PPP1R12A: variants seen among roughly 807,000 people sequenced by gnomAD.
PPP1R12A encodes myosin binding subunit.
Under a neutral mutation model 139.6 loss-of-function variants are expected in PPP1R12A, and 19 were observed. That is an observed-to-expected ratio of 0.14 (90% CI 0.09 to 0.20). The LOEUF is 0.20. PPP1R12A is among the 10% of genes least tolerant of loss of function. The probability of loss-of-function intolerance (pLI) is 1.00; values close to 1 mark genes in which losing one functional copy is unlikely to be tolerated. For synonymous variants in PPP1R12A, 427 were observed against 420.6 expected (o/e 1.02, Z -0.19); for missense variants, 925 against 1,211.5 (o/e 0.76, Z 3.51).
chr12:79,877,084 C>G (rs1883179704), intron 1 of PPP1R12A, among the ~76,000 whole-genome samples: 1 of 152,102 alleles, frequency 6.6e-6, no homozygotes, highest in African/African-American at 2.4e-5. Context: ...GGCTCTGCCA[C>G]AAATTTTGTG....
intron 2 of PPP1R12A, among the ~76,000 whole-genome samples, chr12:79,858,816 G>A (rs1475292702): frequency 1.3e-5 from 2 of 152,118 alleles, no homozygotes; most frequent in Admixed American, 6.5e-5. Flanking sequence ...GAAAAGAGTG[G>A]AGGATGGAGT....
At position 79,838,344 on chromosome 12, in the gene PPP1R12A, G is replaced by A. The variant is rs1878327876; in HGVS notation, c.488-5853C>T. ...GTTCAAAAGGAAGCAGAGCATAAAA[G>A]TATGAAAAATTTGCAGCCTGATAAT... On this transcript the variant is annotated intron_variant, in intron 3 of 24. Transcript: ENST00000450142. Among the ~76,000 whole-genome samples, 3 of 152,202 alleles carry A rather than the reference G, an allele frequency of 2.0e-5. No individual in the cohort carries two copies. In the East Asian group the frequency reaches 5.8e-4, roughly 29 times the overall value.
chr12:79,783,626 A>G (rs919455869), intron 22 of PPP1R12A, among the ~76,000 whole-genome samples: 1 of 152,204 alleles, frequency 6.6e-6, no homozygotes, highest in East Asian at 1.9e-4. Flanking sequence ...TCTTTACAAG[A>G]CCAAAAAAAT....
At chr12:79,792,039 C>T (rs550761282) in intron 19 of PPP1R12A, among the ~76,000 whole-genome samples, 1 of 152,156 alleles carries the variant, frequency 6.6e-6, no homozygotes, top group South Asian at 2.1e-4. Context: ...AAATATCTTT[C>T]TGACTATGGT....
At chr12:79,796,153 C>A (rs1872488774) in intron 17 of PPP1R12A, among the ~76,000 whole-genome samples, 1 of 152,004 alleles carries the variant, frequency 6.6e-6, no homozygotes, top group African/African-American at 2.4e-5. Context: ...TACATTACTA[C>A]TGATATTATC....
intron 9 of PPP1R12A, among the ~76,000 whole-genome samples, chr12:79,816,679 G>A (rs1259989778): frequency 1.3e-5 from 2 of 152,114 alleles, no homozygotes; most frequent in African/African-American, 2.4e-5. Context: ...ACAGAAAGAA[G>A]AGAAAGAAAT....
intron 2 of PPP1R12A, among the ~76,000 whole-genome samples, chr12:79,856,625 G>A (rs369483829): frequency 6.6e-6 from 1 of 152,174 alleles, no homozygotes; most frequent in East Asian, 1.9e-4. Flanking sequence ...AAAGCAATTT[G>A]AGTACACAAT....
chr12:79,870,234 T>G (rs1278582376), intron 2 of PPP1R12A, among the ~76,000 whole-genome samples: 1 of 152,082 alleles, frequency 6.6e-6, no homozygotes, highest in Non-Finnish European at 1.5e-5. Flanking sequence ...GAAATTCTCC[T>G]GCCTTAGCCT....
chr12:79,807,962 A>G (rs1874056724), intron 11 of PPP1R12A, among the ~76,000 whole-genome samples: 1 of 151,800 alleles, frequency 6.6e-6, no homozygotes, highest in African/African-American at 2.4e-5. Context: ...CTTGAACCTG[A>G]GAGGTGGAGG....
At chr12:79,795,989 A>G (rs1471812512) in intron 17 of PPP1R12A, among the ~76,000 whole-genome samples, 1 of 152,114 alleles carries the variant, frequency 6.6e-6, no homozygotes, top group African/African-American at 2.4e-5. Context: ...GTTTGAAGTG[A>G]GTATCTCTAA....
Position 79,854,318 on chromosome 12 carries a change from C to T in PPP1R12A, c.369-8898G>A, listed in dbSNP as rs530912813. ...TATTTATGATGTTACAACAATGGCA[C>T]CTTAGATCTGATGAAATCCAGTATG... On this transcript the variant is annotated intron_variant, in intron 2 of 24. Transcript: ENST00000450142. Among the ~76,000 whole-genome samples the T allele has an allele frequency of 1.3e-5, 2 of 152,232 alleles. 1 individual carries two copies. The highest frequency in any genetic ancestry group is 4.8e-5 in the African/African-American group (2 of 41,508).
At chr12:79,811,124 C>A (rs1874473547) in intron 9 of PPP1R12A, among the ~76,000 whole-genome samples, 1 of 152,116 alleles carries the variant, frequency 6.6e-6, no homozygotes, top group Non-Finnish European at 1.5e-5. Context: ...TAACTAGTTG[C>A]CACAAGCATA....
chr12:79,782,160 A>G (rs1172386103), intron 22 of PPP1R12A: 1 of 207,674 alleles, frequency 4.8e-6, no homozygotes, highest in African/African-American at 2.3e-5. Flanking sequence ...AAACAAAAAA[A>G]AACTGTAGCT....
At chr12:79,909,046 TGAG>T (rs1886346827) in intron 1 of PPP1R12A, among the ~76,000 whole-genome samples, 1 of 152,070 alleles carries the variant, frequency 6.6e-6, no homozygotes, top group South Asian at 2.1e-4. Context: ...AAGGATACCA[TGAG>T]GATGGAACCT....
intron 9 of PPP1R12A, among the ~76,000 whole-genome samples, chr12:79,811,742 A>AT (rs1485851150): frequency 6.6e-6 from 1 of 151,652 alleles, no homozygotes; most frequent in African/African-American, 2.4e-5. Flanking sequence ...ACTTTTTTTT[A>AT]TTTTTTTTCT....
intron 3 of PPP1R12A, among the ~76,000 whole-genome samples, chr12:79,844,407 A>G (rs1439039155): frequency 1.3e-5 from 2 of 152,186 alleles, no homozygotes; most frequent in Non-Finnish European, 2.9e-5. Flanking sequence ...CATTTGTTCA[A>G]ACCAAAAATC....
In PPP1R12A at chr12:79,921,386, T is replaced by G. The variant is rs1887426359; in HGVS notation, c.237+13309A>C. Among the ~76,000 whole-genome samples, 3 of 152,162 alleles carry G rather than the reference T, an allele frequency of 2.0e-5. No individual in the cohort carries two copies. The South Asian group carries it at 6.2e-4, about 32-fold the overall frequency. ...ATGAGAACCTTGGCAACATTCATCTTCAAGAAAGAAACTGACAAAAAGGTA... is the reference window on the plus strand; with the variant it reads ...ATGAGAACCTTGGCAACATTCATCTGCAAGAAAGAAACTGACAAAAAGGTA... On this transcript the variant is annotated intron_variant, in intron 1 of 24. Coordinates refer to ENST00000450142, the MANE Select transcript of PPP1R12A (RefSeq NM_002480.3).
chr12:79,932,914 C>A (rs771589867), intron 1 of PPP1R12A, among the ~76,000 whole-genome samples: 2 of 152,124 alleles, frequency 1.3e-5, no homozygotes, highest in Admixed American at 6.5e-5. Flanking sequence ...CATATTGATG[C>A]GAACCATTAT....
At chr12:79,918,716 TCTCTA>T (rs1342370151) in intron 1 of PPP1R12A, among the ~76,000 whole-genome samples, 2 of 152,184 alleles carry the variant, frequency 1.3e-5, no homozygotes, top group African/African-American at 4.8e-5. Context: ...CTCAAATGTC[TCTCTA>T]CCTTCAGCTT....
Sources: allele counts gnomAD v4.1 joint callset (sites outside exome capture counted in the v4.1 genomes callset), GRCh38; gene constraint gnomAD v4.1.1; transcripts MANE v1.5; gene names NCBI Gene and HGNC (gene_info 2026-07-23, HGNC 2026-07-21).